CCNY: variants seen among roughly 807,000 people sequenced by gnomAD.
The protein encoded by CCNY is cyclin Y.
In CCNY, 19 loss-of-function variants were observed where a neutral mutation model predicts 42.8. That is an observed-to-expected ratio of 0.44 (90% CI 0.31 to 0.65). CCNY has a LOEUF of 0.65. Among genes scored for constraint, CCNY ranks in the 30% least tolerant of loss-of-function variants. CCNY has a pLI of 0.07. For synonymous variants in CCNY, 165 were observed against 162.7 expected, an observed-to-expected ratio of 1.01 and a Z score of -0.11; for missense variants, 370 against 437.3, an observed-to-expected ratio of 0.85 and a Z score of 1.37.
intron 1 of CCNY, among the ~76,000 whole-genome samples, chr10:35,395,651 G>A (rs1837508603): frequency 6.6e-6 from 1 of 152,192 alleles, no homozygotes; most frequent in South Asian, 2.1e-4. Context: ...GTCAGGAGAC[G>A]CAAAGAAAGA....
chr10:35,457,139 G>T (rs1386368554), intron 1 of CCNY, among the ~76,000 whole-genome samples: 1 of 152,136 alleles, frequency 6.6e-6, no homozygotes, highest in African/African-American at 2.4e-5. Context: ...TTTCATGTTT[G>T]ATGTATAACC....
At position 35,449,753 on chromosome 10, in the gene CCNY, A is replaced by G. The variant is rs2135310849; in HGVS notation, c.155-33651A>G. 11 of 985,342 alleles carry G rather than the reference A, an allele frequency of 1.1e-5. No individual in the cohort carries two copies. In the South Asian group the frequency reaches 4.2e-4, roughly 38 times the overall value. The allele number at this position is 985,342 out of a possible 1,614,324, so 61.0% of individuals were successfully genotyped here. On this transcript the variant is annotated intron_variant, in intron 1 of 9. Transcript: ENST00000374704. The stretch of plus-strand genomic sequence containing the variant: ...GAGCAGAGATGGCAGGGTGAGCACA[A>G]TGGAGGCAAGAAGGCTGCAGTGCTT...
chr10:35,475,045 C>T (rs998541378), intron 1 of CCNY, among the ~76,000 whole-genome samples: 2 of 151,944 alleles, frequency 1.3e-5, no homozygotes, highest in South Asian at 2.1e-4. Context: ...GAAAGGGTAT[C>T]AGCAATGGAA....
At position 35,275,749 on chromosome 10, in the gene CCNY, C is replaced by T. The variant is rs927483557; in HGVS notation, c.-9+25123C>T. Among the ~76,000 whole-genome samples, 11 of 150,626 alleles carry T rather than the reference C, an allele frequency of 7.3e-5. No individual in the cohort carries two copies. In the East Asian group the frequency reaches 1.8e-3, roughly 25 times the overall value. ...CTGCACTCCAGCCTGGGTGACACAG[C>T]GAGACTCCGTCTCAAAAAAAAAAAA... On this transcript the variant is annotated intron_variant, in intron 3 of 11. Transcript: ENST00000374706.
Position 35,416,875 on chromosome 10 carries a change from T to G in CCNY, c.155-66529T>G, listed in dbSNP as rs115872084. On this transcript the variant is annotated intron_variant, in intron 1 of 9. Coordinates refer to ENST00000374704, the MANE Select transcript of CCNY (RefSeq NM_145012.6). The stretch of plus-strand genomic sequence containing the variant: ...GTGGCAGCGGGACTACACTCTAGAC[T>G]AGAGGAAACCAGGGAAGAGAAAGCC... Among the ~76,000 whole-genome samples, 110 of 152,166 alleles carry G rather than the reference T, an allele frequency of 7.2e-4. 1 individual carries two copies. Among genetic ancestry groups the G allele is most frequent in the African/African-American group, 2.6e-3 (106 of 41,494 alleles).
At chr10:35,538,850 A>G in intron 7 of CCNY, among the ~76,000 whole-genome samples, 1 of 152,232 alleles carries the variant, frequency 6.6e-6, no homozygotes, top group East Asian at 1.9e-4. Flanking sequence ...TCTAAGAATC[A>G]TTGCATAACC....
chr10:35,284,688 C>G (rs1055069731), intron 3 of CCNY, among the ~76,000 whole-genome samples: 1 of 151,712 alleles, frequency 6.6e-6, no homozygotes, highest in Non-Finnish European at 1.5e-5. Flanking sequence ...TTTCTAGTTT[C>G]TTGGGGTAGA....
chr10:35,282,606 CAAGCTACT>C (rs1489971072), intron 3 of CCNY, among the ~76,000 whole-genome samples: 1 of 151,010 alleles, frequency 6.6e-6, no homozygotes, highest in Non-Finnish European at 1.5e-5. Context: ...AGGTGCCTCC[CAAGCTACT>C]TGGGAGGCTG....
chr10:35,395,422 T>C (rs1430465240), intron 1 of CCNY, among the ~76,000 whole-genome samples: 2 of 152,126 alleles, frequency 1.3e-5, no homozygotes, highest in Non-Finnish European at 2.9e-5. Context: ...GCGAAGGTCA[T>C]TGTATGGAAA....
At chr10:35,452,770 TAAA>T (rs35849411) in intron 1 of CCNY, among the ~76,000 whole-genome samples, 23 of 115,884 alleles carry the variant, frequency 2.0e-4, no homozygotes, top group Non-Finnish European at 3.5e-4. Flanking sequence ...TATAGAAAAG[TAAA>T]AAAAAAAAAA....
chr10:35,348,425 G>T (rs1310132387), intron 1 of CCNY, among the ~76,000 whole-genome samples: 2 of 152,230 alleles, frequency 1.3e-5, no homozygotes, highest in Non-Finnish European at 2.9e-5. Flanking sequence ...GAAGATTGTT[G>T]GTTCCGTTAG....
At chr10:35,500,350 G>T (rs1332449571) in intron 2 of CCNY, among the ~76,000 whole-genome samples, 1 of 152,228 alleles carries the variant, frequency 6.6e-6, no homozygotes, top group Non-Finnish European at 1.5e-5. Flanking sequence ...TTCCAGAGAG[G>T]ACAAGACTTC....
At chr10:35,567,430 C>T (rs1841594601) in intron 9 of CCNY, among the ~76,000 whole-genome samples, 1 of 152,224 alleles carries the variant, frequency 6.6e-6, no homozygotes, top group Non-Finnish European at 1.5e-5. Flanking sequence ...GGGAGAGACC[C>T]CTCCTCCAGA....
chr10:35,315,759 T>C, intron 3 of CCNY, among the ~76,000 whole-genome samples: 1 of 152,192 alleles, frequency 6.6e-6, no homozygotes. Flanking sequence ...CCAGCATCTG[T>C]TATTTTTTTG....
upstream of CCNY, chr10:35,332,442 A>T (rs1835956579): frequency 6.6e-6 from 1 of 152,198 alleles, no homozygotes; most frequent in Admixed American, 6.5e-5. Context: ...ATTAAGGTAG[A>T]CTATTCTTGA....
intron 3 of CCNY, among the ~76,000 whole-genome samples, chr10:35,509,133 T>C (rs1206748331): frequency 6.6e-6 from 1 of 152,206 alleles, no homozygotes; most frequent in Non-Finnish European, 1.5e-5. Flanking sequence ...TTCCCAATTT[T>C]TGTTCTGAGA....
chr10:35,275,134 G>A (rs1475740472), intron 3 of CCNY, among the ~76,000 whole-genome samples: 7 of 139,746 alleles, frequency 5.0e-5, no homozygotes, highest in South Asian at 4.6e-4. Flanking sequence ...TGTGATCTTG[G>A]CTCACTGCAA....
rs572664972 is a variant in CCNY, at chr10:35,399,081, A to T, written c.154+61874A>T. Reference sequence around the variant, plus strand: ...AGCAAATGTACAAATGAACTTTGAGAACCCAACTGACTTGAAAGCATGAGC... The same window carrying T: ...AGCAAATGTACAAATGAACTTTGAGTACCCAACTGACTTGAAAGCATGAGC... On this transcript the variant is annotated intron_variant, in intron 1 of 9. Coordinates refer to ENST00000374704, the MANE Select transcript of CCNY (RefSeq NM_145012.6). Among the ~76,000 whole-genome samples, 5 of 152,354 alleles carry T rather than the reference A, an allele frequency of 3.3e-5. No individual in the cohort carries two copies. The East Asian group carries it at 7.7e-4, about 23-fold the overall frequency.
chr10:35,487,073 A>T (rs985875582), intron 2 of CCNY, among the ~76,000 whole-genome samples: 1 of 152,222 alleles, frequency 6.6e-6, no homozygotes, highest in African/African-American at 2.4e-5. Context: ...CCTTGTGCCA[A>T]CCTGACTGGT....
Sources: gnomAD v4.1 joint callset for allele counts (sites outside exome capture counted in the v4.1 genomes callset) on GRCh38, gnomAD v4.1.1 for gene constraint, MANE v1.5 for transcripts, NCBI Gene and HGNC (gene_info 2026-07-23, HGNC 2026-07-21) for gene names.